ST6GALNAC2: variants seen among roughly 807,000 people sequenced by gnomAD.
ST6GALNAC2 encodes the protein alpha-N-acetylgalactosaminide alpha-2,6-sialyltransferase 2.
ST6GALNAC2 carries 42 observed loss-of-function variants against 38.7 expected under a neutral mutation model. That is an observed-to-expected ratio of 1.09 (90% confidence interval 0.85 to 1.40). The LOEUF (loss-of-function observed/expected upper bound fraction) is 1.40, where lower values mean the gene tolerates loss of function less well. Among genes scored for constraint, ST6GALNAC2 ranks in the 40% most tolerant of loss-of-function variants. The pLI is 0.00. For synonymous variants in ST6GALNAC2, 233 were observed against 209.0 expected (o/e 1.11, Z -0.99); for missense variants, 506 against 481.7 (o/e 1.05, Z -0.47).
At chr17:76,566,408 C>CT in intron 8 of ST6GALNAC2, 137 bp from the exon 9 acceptor site, 6 of 895,148 alleles carry the variant, frequency 6.7e-6, no homozygotes, top group Non-Finnish European at 1.0e-5. Flanking sequence ...TCCCACTTAG[C>CT]AAGTGGGGAG....
chr17:76,573,096 C>T lies in ST6GALNAC2; in HGVS notation c.530+99G>A, dbSNP rs1398332780. ...GTGCTGGTCACAACTGCTGAGCCGC[C>T]CAGGCCACTGCTGCCATAGCCCACT... On this transcript the variant is annotated intron_variant, in intron 4 of 8. Transcript: ENST00000225276. This position sits in a 1 kb window ranked among gnomAD's most constrained non-coding sequence, Gnocchi z 5.1. 6 of 1,341,652 alleles carry T rather than the reference C, an allele frequency of 4.5e-6. No homozygotes were observed. The highest frequency in any genetic ancestry group is 4.3e-5 in the African/African-American group (3 of 69,310). 83.1% of individuals were successfully genotyped at this position (1,341,652 alleles called of 1,614,324 possible).
rs760117347 is a variant in ST6GALNAC2, at chr17:76,578,785, A to G, written c.157T>C (p.Ser53Pro). ...CCTGTCCAAGAATTCGATGCCTTGGATTGAAAGAATGCTTCAAATGATGTG... is the reference window on the plus strand; with the variant it reads ...CCTGTCCAAGAATTCGATGCCTTGGGTTGAAAGAATGCTTCAAATGATGTG... ...DTTSFEAFFQ[S>P]KASNSWTGKG... Residue 53 changes from serine to proline, a missense_variant, in exon 2 of 9, where the codon TCC (serine) becomes CCC (proline). Coordinates refer to ENST00000225276, the MANE Select transcript of ST6GALNAC2 (RefSeq NM_006456.3). 4 of 1,613,680 alleles carry G rather than the reference A, an allele frequency of 2.5e-6. No individual in the cohort carries two copies. Among genetic ancestry groups the G allele is most frequent in the Non-Finnish European group, 3.4e-6 (4 of 1,179,872 alleles).
intron 1 of ST6GALNAC2, among the ~76,000 whole-genome samples, chr17:76,580,769 T>C (rs2143317470): frequency 6.6e-6 from 1 of 151,026 alleles, no homozygotes; most frequent in South Asian, 2.1e-4. Context: ...AAAAGAAAAA[T>C]GTGTTCTCTA....
chr17:76,578,073 T>C (rs1174660992), intron 2 of ST6GALNAC2, among the ~76,000 whole-genome samples: 2 of 152,182 alleles, frequency 1.3e-5, no homozygotes, highest in South Asian at 2.1e-4. Flanking sequence ...GTCATCATCC[T>C]GCTTATCGGC....
intron 1 of ST6GALNAC2, among the ~76,000 whole-genome samples, chr17:76,584,171 T>C (rs1020513587): frequency 6.8e-6 from 1 of 147,710 alleles, no homozygotes; most frequent in Admixed American, 7.0e-5. Context: ...AACCAGCTAA[T>C]TAGCATATCC....
At chr17:76,582,459 A>T (rs11077834) in intron 1 of ST6GALNAC2, among the ~76,000 whole-genome samples, 5 of 151,116 alleles carry the variant, frequency 3.3e-5, no homozygotes, top group African/African-American at 9.7e-5. Context: ...ACGAGCCACC[A>T]TGCCCGGCCT....
intron 7 of ST6GALNAC2, chr17:76,568,482 C>T: frequency 1.7e-6 from 1 of 585,032 alleles, no homozygotes; most frequent in East Asian, 2.8e-5. Flanking sequence ...TTGAGTTATC[C>T]TGAGTTTCCT....
chr17:76,572,568 C>T, intron 5 of ST6GALNAC2, 69 bp downstream of exon 5: 1 of 1,583,506 alleles, frequency 6.3e-7, no homozygotes, highest in Non-Finnish European at 8.6e-7. Flanking sequence ...CCTGTGGCCC[C>T]CACTGAGGGG....
chr17:76,571,455 G>A (rs758318836), intron 5 of ST6GALNAC2, among the ~76,000 whole-genome samples: 2 of 152,196 alleles, frequency 1.3e-5, no homozygotes, highest in African/African-American at 4.8e-5. Flanking sequence ...TTAGCCAGGC[G>A]TGGTGGTGCG....
chr17:76,575,314 G>A (rs1319710564), intron 2 of ST6GALNAC2, among the ~76,000 whole-genome samples: 1 of 151,856 alleles, frequency 6.6e-6, no homozygotes, highest in East Asian at 1.9e-4. Flanking sequence ...TGCCTTTAGG[G>A]AGTGGAAGTG....
At chr17:76,575,923 A>G (rs965479038) in intron 2 of ST6GALNAC2, among the ~76,000 whole-genome samples, 4 of 152,174 alleles carry the variant, frequency 2.6e-5, no homozygotes, top group Admixed American at 2.6e-4. Flanking sequence ...GCTAAATATC[A>G]CCATGCTATG....
At position 76,570,632 on chromosome 17, in the gene ST6GALNAC2, C is replaced by A; in HGVS notation, c.706G>T (p.Asp236Tyr). Residue 236 changes from aspartate (D) to tyrosine (Y), a missense_variant, in exon 6 of 9, where the codon GAC becomes TAC. Coordinates refer to ENST00000225276, the MANE Select transcript of ST6GALNAC2 (RefSeq NM_006456.3). ...QYIFIPSDIR[D>Y]YVMLRSAILG... ...ATGGCCGATCTCAGCATCACATAGT[C>A]GCGGATGTCTGAGGGGATGAAGATA... 1 of 1,613,192 alleles carries A rather than the reference C, an allele frequency of 6.2e-7. No individual in the cohort carries two copies. Among genetic ancestry groups the A allele is most frequent in the South Asian group, 1.1e-5 (1 of 90,848 alleles).
chr17:76,585,659 C>G, intron 1 of ST6GALNAC2, 25 bp downstream of exon 1: 1 of 1,509,914 alleles, frequency 6.6e-7, no homozygotes, highest in Non-Finnish European at 8.8e-7. Context: ...CTGCGCCCTC[C>G]CGCTCTGCGC....
At chr17:76,577,258 G>A (rs1397066477) in intron 2 of ST6GALNAC2, among the ~76,000 whole-genome samples, 2 of 151,350 alleles carry the variant, frequency 1.3e-5, no homozygotes, top group Admixed American at 6.6e-5. Context: ...TGTAGAGACA[G>A]GGTTTCACCA....
rs1376787555 is a variant in ST6GALNAC2 at position 76,573,065 on chromosome 17, GC to G, written c.530+129del. On this transcript the variant is annotated intron_variant, in intron 4 of 8. Coordinates refer to ENST00000225276, the MANE Select transcript of ST6GALNAC2 (RefSeq NM_006456.3). The surrounding 1 kb of genome is among the most constrained non-coding windows in gnomAD (Gnocchi z 5.1). ...TACTGTTTGTTTTTGCCTTGTCCAT[GC>G]CCGTGTGCTGGTCACAACTGCTGAG... 1.6e-5 allele frequency: 17 copies of G among 1,048,730 alleles called. No homozygotes were observed. Among genetic ancestry groups the G allele is most frequent in the Non-Finnish European group, 2.2e-5 (16 of 738,404 alleles). The allele number at this position is 1,048,730 out of a possible 1,614,324, so 65.0% of individuals were successfully genotyped here.
intron 2 of ST6GALNAC2, among the ~76,000 whole-genome samples, chr17:76,576,970 CAAA>C (rs540729757): frequency 1.0e-5 from 1 of 100,014 alleles, no homozygotes; most frequent in Non-Finnish European, 2.0e-5. Context: ...AACTCCATCT[CAAA>C]AAAAAAAAAA....
chr17:76,568,684 C>T (rs776198288), intron 7 of ST6GALNAC2, 29 bp downstream of exon 7: 32 of 1,609,890 alleles, frequency 2.0e-5, no homozygotes, highest in Middle Eastern at 1.6e-4. Context: ...AGGAAGGGGA[C>T]GCTGTTCTTC....
Position 76,573,276 on chromosome 17 carries a change from C to A in ST6GALNAC2, c.449G>T (p.Arg150Leu). The A allele has an allele frequency of 6.2e-7, 1 of 1,610,998 alleles. No homozygotes were observed. Among genetic ancestry groups the A allele is most frequent in the Non-Finnish European group, 8.5e-7 (1 of 1,178,714 alleles). ...PPRDTPPKCI[R>L]CAVVGNGGIL... is the part of the protein sequence containing the mutation. The stretch of plus-strand genomic sequence containing the variant: ...GCCTCCGTTGCCCACCACGGCACAC[C>A]GGATACACTTTGGAGGGGTGTCCCT... Residue 150 changes from arginine (R) to leucine (L), a missense_variant, in exon 4 of 9, where the codon CGG (arginine) becomes CTG (leucine). Coordinates refer to ENST00000225276, the MANE Select transcript of ST6GALNAC2 (RefSeq NM_006456.3). This position sits in a 1 kb window ranked among gnomAD's most constrained non-coding sequence, Gnocchi z 5.1.
At chr17:76,574,739 C>A (rs1184648336) in intron 2 of ST6GALNAC2, among the ~76,000 whole-genome samples, 200 bp from the exon 3 acceptor site, 1 of 151,796 alleles carries the variant, frequency 6.6e-6, no homozygotes, top group Non-Finnish European at 1.5e-5. Flanking sequence ...TGCAGTGGCC[C>A]CATCTCGGCT....
Sources: allele counts gnomAD v4.1 joint callset (sites outside exome capture counted in the v4.1 genomes callset), GRCh38; gene constraint gnomAD v4.1.1; non-coding constraint Gnocchi (gnomAD v3.1); transcripts MANE v1.5; gene names NCBI Gene and HGNC (gene_info 2026-07-23, HGNC 2026-07-21).